The following PBX3 variants were observed in gnomAD, a reference collection of about 807,000 sequenced individuals.
PBX3 encodes pre-B-cell leukemia transcription factor 3.
PBX3 carries 14 observed loss-of-function variants against 48.5 expected under a neutral mutation model. That is an observed-to-expected ratio of 0.29 (90% CI 0.19 to 0.45). The LOEUF (loss-of-function observed/expected upper bound fraction) is 0.45. Among genes scored for constraint, PBX3 ranks in the 20% least tolerant of loss-of-function variants. PBX3 has a pLI of 1.00. For synonymous variants in PBX3, 210 were observed against 200.3 expected (o/e 1.05, Z -0.41); for missense variants, 386 against 546.7 (o/e 0.71, Z 2.93).
intron 2 of PBX3, among the ~76,000 whole-genome samples, chr9:125,791,297 G>A (rs866577416): frequency 4.1e-4 from 53 of 128,058 alleles, no homozygotes; most frequent in African/African-American, 6.7e-4. Flanking sequence ...CTGTCTGTCT[G>A]TCTGTCTATC....
intron 2 of PBX3, among the ~76,000 whole-genome samples, chr9:125,807,015 T>G (rs996250525): frequency 1.3e-5 from 2 of 152,144 alleles, no homozygotes; most frequent in Non-Finnish European, 2.9e-5. Flanking sequence ...ATCAGTGGGG[T>G]AAACACATTT....
chr9:125,748,634 G>T lies in PBX3; in HGVS notation c.274+11G>T, dbSNP rs1836277240. On this transcript the variant is annotated intron_variant, in intron 2 of 8. Transcript: ENST00000373489. The stretch of plus-strand genomic sequence containing the variant: ...TCAAAGAGAAAACAGGTAAGACGCT[G>T]CGCCCCGCAGTGGGCCTGGAGACCC... 2 of 1,611,204 alleles carry T rather than the reference G, an allele frequency of 1.2e-6. No individual in the cohort carries two copies. The highest frequency in any genetic ancestry group is 1.3e-5 in the African/African-American group (1 of 74,910).
intron 2 of PBX3, among the ~76,000 whole-genome samples, chr9:125,882,700 T>TA (rs1840410077): frequency 1.3e-5 from 2 of 152,236 alleles, no homozygotes; most frequent in Non-Finnish European, 2.9e-5. Context: ...ATGGTAGAAG[T>TA]TATATATTGA....
chr9:125,911,411 T>C (rs945281586), intron 2 of PBX3, among the ~76,000 whole-genome samples: 2 of 152,148 alleles, frequency 1.3e-5, no homozygotes, highest in African/African-American at 4.8e-5. Flanking sequence ...GAAAATAAAG[T>C]AGGTATTTTT....
At chr9:125,805,451 T>G (rs1017212777) in intron 2 of PBX3, among the ~76,000 whole-genome samples, 7 of 152,174 alleles carry the variant, frequency 4.6e-5, no homozygotes, top group South Asian at 2.1e-4. Flanking sequence ...GCTCATTTTT[T>G]AAAAAGATGA....
At chr9:125,750,526 GAAAC>G (rs746822744) in intron 2 of PBX3, among the ~76,000 whole-genome samples, 2 of 152,162 alleles carry the variant, frequency 1.3e-5, no homozygotes, top group African/African-American at 4.8e-5. Context: ...TTACGAAAAA[GAAAC>G]AAATCTTTTC....
At chr9:125,913,540 G>C (rs7869867) in intron 2 of PBX3, among the ~76,000 whole-genome samples, 111,054 of 152,038 alleles carry the variant, frequency 0.73, 40,983 homozygotes, top group African/African-American at 0.81. Context: ...TTTTGCATTT[G>C]TTCCTAATGA....
chr9:125,805,729 C>T lies in PBX3; in HGVS notation c.274+57106C>T, dbSNP rs1158571737. 3.3e-5 allele frequency among the ~76,000 whole-genome samples: 5 copies of T among 152,140 alleles called. No individual in the cohort carries two copies. In the East Asian group the frequency reaches 7.7e-4, roughly 23 times the overall value. ...ACTTGGTTAAATGATGGTGCCTTTC[C>T]CTAAAATAGAAAGTACAGTGGGAAT... is the stretch of plus-strand genomic sequence containing the variant. On this transcript the variant is annotated intron_variant, in intron 2 of 8. Coordinates refer to ENST00000373489, the MANE Select transcript of PBX3 (RefSeq NM_006195.6).
chr9:125,962,404 A>C (rs2111358), intron 7 of PBX3, among the ~76,000 whole-genome samples, 190 bp downstream of exon 7: 95,949 of 152,154 alleles, frequency 0.63, 31,787 homozygotes, highest in East Asian at 0.77. Context: ...TGATGATTCA[A>C]ACCTGATAAA....
intron 2 of PBX3, among the ~76,000 whole-genome samples, chr9:125,818,188 G>A (rs1187584317): frequency 3.8e-4 from 2 of 5,254 alleles, no homozygotes; most frequent in Admixed American, 2.8e-3. Flanking sequence ...GACAGAGCAA[G>A]CCTTTCGTCT....
intron 2 of PBX3, among the ~76,000 whole-genome samples, chr9:125,875,541 G>A (rs879669699): frequency 7.9e-5 from 12 of 152,124 alleles, no homozygotes; most frequent in Non-Finnish European, 1.3e-4. Context: ...TTAAGAGAAC[G>A]AGTGCAGAGA....
intron 2 of PBX3, among the ~76,000 whole-genome samples, chr9:125,750,793 C>A (rs1836353158): frequency 6.6e-6 from 1 of 152,204 alleles, no homozygotes; most frequent in African/African-American, 2.4e-5. Context: ...CTGCTAGCCT[C>A]TCTAAGCTCG....
At chr9:125,886,799 TACAACTTGA>T (rs66502782) in intron 2 of PBX3, among the ~76,000 whole-genome samples, 81,130 of 151,270 alleles carry the variant, frequency 0.54, 23,933 homozygotes, top group South Asian at 0.65. Context: ...GTGTGAAAAT[TACAACTTGA>T]ACAACATTTC....
At chr9:125,748,240 C>G in intron 1 of PBX3, 1 of 1,040,428 alleles carries the variant, frequency 9.6e-7, no homozygotes, top group Non-Finnish European at 1.2e-6. Flanking sequence ...CGCACCCGTC[C>G]CCTCCCCCGG....
At chr9:125,813,670 G>T (rs1838364613) in intron 2 of PBX3, among the ~76,000 whole-genome samples, 1 of 152,042 alleles carries the variant, frequency 6.6e-6, no homozygotes, top group Admixed American at 6.5e-5. Context: ...TTATATTCTG[G>T]TATGATAAGA....
chr9:125,800,512 C>T (rs1837908234), intron 2 of PBX3, among the ~76,000 whole-genome samples: 2 of 151,946 alleles, frequency 1.3e-5, no homozygotes, highest in African/African-American at 2.4e-5. Flanking sequence ...CTATTTAGTA[C>T]CTTACTACAT....
chr9:125,781,404 C>A (rs1022609658), intron 2 of PBX3, among the ~76,000 whole-genome samples: 2 of 151,612 alleles, frequency 1.3e-5, no homozygotes, highest in Non-Finnish European at 2.9e-5. Context: ...CCTGCAATCG[C>A]AGGCACTCGG....
At chr9:125,848,478 G>A (rs1199980944) in intron 2 of PBX3, among the ~76,000 whole-genome samples, 1 of 151,850 alleles carries the variant, frequency 6.6e-6, no homozygotes, top group African/African-American at 2.4e-5. Context: ...TCAATATCTA[G>A]TACTGTGGTA....
rs1235822215 is a variant in PBX3 at position 125,967,048 on chromosome 9, G to T, written c.*1125G>T. On this transcript the variant is annotated 3_prime_UTR_variant, in exon 9 of 9. Coordinates refer to ENST00000373489, the MANE Select transcript of PBX3 (RefSeq NM_006195.6). Reference sequence around the variant, plus strand: ...TCGGTAAAACTGTTGTAAATACTGAGAAACATTTTGAATGTTCTTCATCTT... The same window carrying T: ...TCGGTAAAACTGTTGTAAATACTGATAAACATTTTGAATGTTCTTCATCTT... 1.4e-5 allele frequency: 2 copies of T among 142,062 alleles called. No homozygotes were observed. Among genetic ancestry groups the T allele is most frequent in the African/African-American group, 5.2e-5 (2 of 38,202 alleles). 8.8% of individuals were successfully genotyped at this position (142,062 alleles called of 1,614,324 possible). A position where few individuals can be genotyped will look rare whatever the true frequency, so the allele number is the denominator to read the frequency against.
Sources: gnomAD v4.1 joint callset for allele counts (sites outside exome capture counted in the v4.1 genomes callset) on GRCh38, gnomAD v4.1.1 for gene constraint, MANE v1.5 for transcripts, NCBI Gene and HGNC (gene_info 2026-07-23, HGNC 2026-07-21) for gene names.